The following ARAP1 variants were observed in gnomAD, a reference collection of about 807,000 sequenced individuals.
ARAP1 encodes the protein arf-GAP with Rho-GAP domain, ANK repeat and PH domain-containing protein 1.
In ARAP1, 76 loss-of-function variants were observed where a neutral mutation model predicts 172.2. That is an observed-to-expected ratio of 0.44 (90% CI 0.37 to 0.53). The LOEUF (loss-of-function observed/expected upper bound fraction) is 0.53. Among genes scored for constraint, ARAP1 ranks in the 20% least tolerant of loss-of-function variants. The probability of loss-of-function intolerance (pLI) is 0.00; values close to 1 mark genes in which losing one functional copy is unlikely to be tolerated. For synonymous variants in ARAP1, 804 were observed against 803.3 expected (o/e 1.00, Z -0.01); for missense variants, 1,686 against 1,977.5 (o/e 0.85, Z 2.80).
intron 34 of ARAP1, 81 bp from the exon 35 acceptor site, chr11:72,685,762 GC>G (rs1565206449): frequency 3.2e-6 from 5 of 1,560,268 alleles, no homozygotes; most frequent in Non-Finnish European, 4.4e-6. Flanking sequence ...TGCAGCTGCT[GC>G]AGCCACTCTC....
chr11:72,705,962 T>A, intron 12 of ARAP1, 72 bp from the exon 13 acceptor site: 2 of 1,481,672 alleles, frequency 1.3e-6, no homozygotes, highest in Non-Finnish European at 1.9e-6. Context: ...ACCCCCAGTG[T>A]CTACTGGGAC....
At chr11:72,702,787 A>G (rs1237682036) in intron 15 of ARAP1, 118 bp downstream of exon 15, 12 of 1,299,396 alleles carry the variant, frequency 9.2e-6, no homozygotes, top group Non-Finnish European at 1.3e-5. Context: ...ACCCCAGCTC[A>G]CACATGATTT....
chr11:72,706,469 A>G (rs1246179767), intron 12 of ARAP1, among the ~76,000 whole-genome samples: 1 of 151,990 alleles, frequency 6.6e-6, no homozygotes, highest in Non-Finnish European at 1.5e-5. Flanking sequence ...CCAAGAGGAC[A>G]GAATCCCCAG....
chr11:72,702,873 C>T (rs924724958), intron 15 of ARAP1, 32 bp downstream of exon 15: 5 of 1,549,660 alleles, frequency 3.2e-6, no homozygotes, highest in African/African-American at 1.4e-5. Flanking sequence ...CACTGCACAG[C>T]CTGGTGGACC....
In ARAP1 at chr11:72,748,222, A is replaced by G. The variant is rs150557270; in HGVS notation, c.-128+4106T>C. Among the ~76,000 whole-genome samples, 430 of 152,320 alleles carry G rather than the reference A, an allele frequency of 2.8e-3. 3 individuals are homozygous for G. Among genetic ancestry groups the G allele is most frequent in the Non-Finnish European group, 5.0e-3 (337 of 68,026 alleles). On this transcript the variant is annotated intron_variant, in intron 1 of 34. Transcript: ENST00000393609. ...AGCTACTGCTACTATTATTACTACT[A>G]TTAAATAATGATTTGTTGACTGGGC...
chr11:72,701,881 AATC>A, intron 15 of ARAP1, 98 bp from the exon 16 acceptor site: 1 of 1,479,688 alleles, frequency 6.8e-7, no homozygotes, highest in Non-Finnish European at 9.2e-7. Context: ...CTCACTTTCG[AATC>A]ATCAGCCCCA....
chr11:72,730,541 A>G (rs1857834582), intron 2 of ARAP1, among the ~76,000 whole-genome samples: 1 of 152,224 alleles, frequency 6.6e-6, no homozygotes, highest in Non-Finnish European at 1.5e-5. Context: ...TACTAAAAAT[A>G]CAAAAAGTTA....
In ARAP1 at chr11:72,743,532, C is replaced by G. The variant is rs539092428; in HGVS notation, c.-128+8796G>C. Reference sequence around the variant, plus strand: ...GGGCCTGACCCCAGCTCACCCTGCTCAGGAGGCTTGGGACAGGGGCTGCCT... The same window carrying G: ...GGGCCTGACCCCAGCTCACCCTGCTGAGGAGGCTTGGGACAGGGGCTGCCT... On this transcript the variant is annotated intron_variant, in intron 1 of 34. Coordinates refer to ENST00000393609, the MANE Select transcript of ARAP1 (RefSeq NM_001040118.3). Among the ~76,000 whole-genome samples the G allele has an allele frequency of 6.6e-5, 10 of 152,266 alleles. No individual in the cohort carries two copies. The South Asian group carries it at 2.1e-3, about 32-fold the overall frequency.
In ARAP1 at chr11:72,707,380, G is replaced by C. The variant is rs769272395; in HGVS notation, c.1524-6C>G. The C allele has an allele frequency of 6.8e-6, 11 of 1,609,362 alleles. No homozygotes were observed. In the South Asian group the frequency reaches 1.1e-4, roughly 16 times the overall value. The stretch of plus-strand genomic sequence containing the variant: ...GCTCTGAGTCAGCAGAGAAGCTGGG[G>C]ACATAGGGGTGGGGAGATTAGTGGG... On this transcript the variant is annotated splice_region_variant and splice_polypyrimidine_tract_variant and intron_variant, in intron 11 of 34. Coordinates refer to ENST00000393609, the MANE Select transcript of ARAP1 (RefSeq NM_001040118.3).
chr11:72,688,333 C>T, intron 31 of ARAP1, 122 bp downstream of exon 31: 1 of 823,436 alleles, frequency 1.2e-6, no homozygotes, highest in African/African-American at 1.7e-5. Flanking sequence ...GGTCTGGAGA[C>T]CACACCATCA....
At chr11:72,748,484 C>T (rs1858439309) in intron 1 of ARAP1, among the ~76,000 whole-genome samples, 1 of 150,990 alleles carries the variant, frequency 6.6e-6, no homozygotes, top group Non-Finnish European at 1.5e-5. Flanking sequence ...CATGCCACCA[C>T]ACTTGAGCCT....
At chr11:72,735,307 G>T (rs1857986776) in intron 1 of ARAP1, among the ~76,000 whole-genome samples, 1 of 151,478 alleles carries the variant, frequency 6.6e-6, no homozygotes, top group Non-Finnish European at 1.5e-5. Flanking sequence ...ACTCTTCACG[G>T]CCTCTCAAAA....
intron 7 of ARAP1, 43 bp downstream of exon 7, chr11:72,712,151 ACC>A: frequency 6.9e-7 from 1 of 1,451,394 alleles, no homozygotes; most frequent in African/African-American, 1.4e-5. Context: ...ACTGCCCCCC[ACC>A]CCCCCATGCA....
At chr11:72,704,652 T>G in intron 13 of ARAP1, 2 of 312,732 alleles carry the variant, frequency 6.4e-6, no homozygotes, top group Non-Finnish European at 5.9e-6. Flanking sequence ...TCTGGAGCTC[T>G]GCATTCCTGA....
intron 3 of ARAP1, among the ~76,000 whole-genome samples, chr11:72,724,548 C>T (rs1006957125): frequency 5.3e-5 from 8 of 152,068 alleles, no homozygotes; most frequent in Non-Finnish European, 1.0e-4. Context: ...TCCATGTTGG[C>T]CCCCACCCTG....
At chr11:72,746,240 G>A (rs2135595286) in intron 1 of ARAP1, among the ~76,000 whole-genome samples, 1 of 152,254 alleles carries the variant, frequency 6.6e-6, no homozygotes, top group African/African-American at 2.4e-5. Flanking sequence ...TCTCCCCACT[G>A]CCAAGATAAC....
In ARAP1 at chr11:72,704,279, G is replaced by T. The variant is rs141990945; in HGVS notation, c.1865C>A (p.Pro622His). ...GCTGGGCTGCAGGGCCTCACTGGGG[G>T]GCACGTTGGCTGCCCAGAAGCGGTT... is the stretch of plus-strand genomic sequence containing the variant. ...AGNRFWAANV[P>H]PSEALQPSSS... Residue 622 changes from proline to histidine, a missense_variant, in exon 14 of 35, where the codon CCC becomes CAC. Pro to His is a moderately conservative substitution (Grantham distance 77). This residue lies in a region of ARAP1 where 688 missense variants were observed against 856.9 expected (regional missense o/e 0.80). Coordinates refer to ENST00000393609, the MANE Select transcript of ARAP1 (RefSeq NM_001040118.3). 38 of 1,612,242 alleles carry T rather than the reference G, an allele frequency of 2.4e-5. No homozygotes were observed. In the South Asian group the frequency reaches 3.9e-4, roughly 16 times the overall value.
intron 15 of ARAP1, among the ~76,000 whole-genome samples, chr11:72,702,263 C>A (rs1365938260): frequency 2.0e-5 from 3 of 152,222 alleles, no homozygotes; most frequent in Non-Finnish European, 4.4e-5. Flanking sequence ...CTGTGTCTCC[C>A]TGGACACCTG....
rs139658168 is a variant in ARAP1 at position 72,696,604 on chromosome 11, G to A, written c.3217C>T (p.Arg1073Trp). ...KVSRYRELLV[R>W]LPPVNRATVK... ...GTGGCCCGGTTGACAGGGGGCAGCC[G>A]CACCAGCAGCTCTCGGTACCTGGAG... The change falls in exon 23 of 35, where the codon CGG becomes TGG. Residue 1073 changes from arginine (R) to tryptophan (W), a missense_variant. Coordinates refer to ENST00000393609, the MANE Select transcript of ARAP1 (RefSeq NM_001040118.3). 5.4e-5 allele frequency: 87 copies of A among 1,605,186 alleles called. No homozygotes were observed. Among genetic ancestry groups the A allele is most frequent in the Admixed American group, 1.2e-4 (7 of 59,054 alleles).
Sources: gnomAD v4.1 joint callset for allele counts (sites outside exome capture counted in the v4.1 genomes callset) on GRCh38, gnomAD v4.1.1 for gene constraint, gnomAD v4.1.1 regional missense constraint, MANE v1.5 for transcripts, NCBI Gene and HGNC (gene_info 2026-07-23, HGNC 2026-07-21) for gene names.